Variants in IQCM observed in about 807,000 individuals in gnomAD.
The protein encoded by IQCM is IQ motif containing M.
A neutral mutation model predicts 57.6 loss-of-function variants in IQCM; 45 were observed. The ratio of observed to expected loss-of-function variants is 0.78; its 90% CI spans 0.62 to 1.00. The LOEUF is 1.00. IQCM is among the 50% of genes least tolerant of loss of function. IQCM has a pLI of 0.00. For synonymous variants in IQCM, 148 were observed against 158.9 expected (o/e 0.93, Z 0.51); for missense variants, 468 against 511.6 (o/e 0.91, Z 0.82).
chr4:149,814,395 A>G (rs774954995), intron 2 of IQCM, among the ~76,000 whole-genome samples: 7 of 152,008 alleles, frequency 4.6e-5, no homozygotes, highest in South Asian at 2.1e-4. Flanking sequence ...GCTTTAGAAA[A>G]TGATCTCTTA....
intron 5 of IQCM, among the ~76,000 whole-genome samples, chr4:149,697,201 A>G (rs1763405784): frequency 6.6e-6 from 1 of 152,036 alleles, no homozygotes; most frequent in East Asian, 1.9e-4. Flanking sequence ...CATCACTATC[A>G]TTTTATCTGC....
At chr4:149,450,650 TACA>T (rs996223965) in intron 12 of IQCM, among the ~76,000 whole-genome samples, 74 of 151,814 alleles carry the variant, frequency 4.9e-4, no homozygotes, top group African/African-American at 1.7e-3. Context: ...AAATCAAAAC[TACA>T]ACAAGATATA....
chr4:149,523,771 A>C (rs1745893900), intron 12 of IQCM, among the ~76,000 whole-genome samples: 1 of 152,162 alleles, frequency 6.6e-6, no homozygotes, highest in African/African-American at 2.4e-5. Context: ...GGAATTATAC[A>C]CAAAGTAAGT....
At chr4:149,568,132 G>T (rs1750805140) in intron 9 of IQCM, among the ~76,000 whole-genome samples, 1 of 152,128 alleles carries the variant, frequency 6.6e-6, no homozygotes, top group African/African-American at 2.4e-5. Flanking sequence ...CCATCCTGTG[G>T]TTGAGTGTCA....
intron 2 of IQCM, among the ~76,000 whole-genome samples, chr4:149,753,476 G>A (rs1278360069): frequency 1.3e-5 from 2 of 152,040 alleles, no homozygotes; most frequent in African/African-American, 4.8e-5. Context: ...ATTGGACACA[G>A]TATAAGAGAA....
At chr4:149,599,011 T>C (rs1158867134) in intron 8 of IQCM, among the ~76,000 whole-genome samples, 1 of 152,058 alleles carries the variant, frequency 6.6e-6, no homozygotes, top group Non-Finnish European at 1.5e-5. Context: ...GGCATATATA[T>C]ATATAATATG....
chr4:149,470,363 A>G (rs1739383251), intron 12 of IQCM, among the ~76,000 whole-genome samples: 1 of 152,192 alleles, frequency 6.6e-6, no homozygotes, highest in East Asian at 1.9e-4. Context: ...ACAAAGATCA[A>G]AGGAGACAAA....
At chr4:149,706,193 A>G (rs1296196249) in intron 5 of IQCM, among the ~76,000 whole-genome samples, 1 of 151,998 alleles carries the variant, frequency 6.6e-6, no homozygotes. Context: ...ATATCACTGA[A>G]TCTTCTTTAT....
chr4:149,466,131 T>C (rs1245152708), intron 12 of IQCM, among the ~76,000 whole-genome samples: 1 of 152,182 alleles, frequency 6.6e-6, no homozygotes, highest in African/African-American at 2.4e-5. Flanking sequence ...GACATAGCTG[T>C]GAACAATGCT....
intron 13 of IQCM, among the ~76,000 whole-genome samples, chr4:149,415,464 C>A (rs138519351): frequency 1.0e-3 from 152 of 152,226 alleles, no homozygotes; most frequent in Non-Finnish European, 1.7e-3. Context: ...ATAATTCTTT[C>A]TGTAAATCAC....
intron 7 of IQCM, among the ~76,000 whole-genome samples, 176 bp from the exon 8 acceptor site, chr4:149,621,420 TAG>T (rs1756324425): frequency 6.6e-6 from 1 of 152,224 alleles, no homozygotes; most frequent in Non-Finnish European, 1.5e-5. Flanking sequence ...TAGGATTGCA[TAG>T]AGAGAGGCTT....
chr4:149,652,007 T>G (rs1759227893), intron 7 of IQCM, among the ~76,000 whole-genome samples: 1 of 152,168 alleles, frequency 6.6e-6, no homozygotes, highest in Non-Finnish European at 1.5e-5. Flanking sequence ...CACACATATG[T>G]TTATTGCAGC....
At chr4:149,785,051 T>G (rs977488312) in intron 2 of IQCM, among the ~76,000 whole-genome samples, 1 of 152,222 alleles carries the variant, frequency 6.6e-6, no homozygotes, top group Admixed American at 6.5e-5. Context: ...TATAGAGATA[T>G]GTTTTATGTA....
intron 13 of IQCM, among the ~76,000 whole-genome samples, chr4:149,354,363 C>CAAAAAAAAAAAAAAAAAAAA (rs70965178): frequency 4.9e-5 from 1 of 20,250 alleles, no homozygotes; most frequent in Non-Finnish European, 8.5e-5. Context: ...GACTCCGTCT[C>CAAAAAAAAAAAAAAAAAAAA]AAAAAAAAAA....
intron 6 of IQCM, among the ~76,000 whole-genome samples, chr4:149,683,919 C>G (rs1762374009): frequency 6.6e-6 from 1 of 151,150 alleles, no homozygotes; most frequent in Non-Finnish European, 1.5e-5. Context: ...ATCAGAACAA[C>G]CTAAACATGA....
intron 12 of IQCM, among the ~76,000 whole-genome samples, chr4:149,457,202 T>C (rs1292580765): frequency 6.6e-6 from 1 of 152,140 alleles, no homozygotes; most frequent in African/African-American, 2.4e-5. Flanking sequence ...AAGAAAACTT[T>C]GAGAAACTTT....
At chr4:149,616,955 G>T (rs536737119) in intron 8 of IQCM, among the ~76,000 whole-genome samples, 10 of 151,198 alleles carry the variant, frequency 6.6e-5, no homozygotes, top group East Asian at 3.9e-4. Flanking sequence ...ATATATCCTG[G>T]AACTTTTTTT....
intron 7 of IQCM, among the ~76,000 whole-genome samples, chr4:149,655,778 C>A (rs1759585252): frequency 6.6e-6 from 1 of 152,062 alleles, no homozygotes; most frequent in South Asian, 2.1e-4. Context: ...AAAAATCACA[C>A]AACTTTATAC....
intron 5 of IQCM, among the ~76,000 whole-genome samples, chr4:149,692,946 T>A (rs547793815): frequency 6.6e-6 from 1 of 152,118 alleles, no homozygotes; most frequent in Non-Finnish European, 1.5e-5. Flanking sequence ...GGTTTTACAA[T>A]GAAGTTAAGC....
Sources: allele counts gnomAD v4.1 joint callset (sites outside exome capture counted in the v4.1 genomes callset), GRCh38; gene constraint gnomAD v4.1.1; transcripts MANE v1.5; gene names NCBI Gene and HGNC (gene_info 2026-07-23, HGNC 2026-07-21).